GRK5: variants seen among roughly 807,000 people sequenced by gnomAD.
GRK5 encodes the protein g protein-coupled receptor kinase GRK5.
In GRK5, 40 loss-of-function variants were observed where a neutral mutation model predicts 78.4. That is an observed-to-expected ratio of 0.51 (90% CI 0.40 to 0.66). The LOEUF is 0.66. Ranked by LOEUF, GRK5 falls within the 30% of genes least tolerant of loss-of-function variation. GRK5 has a pLI of 0.00. For synonymous variants in GRK5, 289 were observed against 296.8 expected (o/e 0.97, Z 0.27); for missense variants, 598 against 759.9 (o/e 0.79, Z 2.50).
chr10:119,208,037 T>C (rs1848417935), intron 1 of GRK5, 68 bp downstream of exon 1: 2 of 1,492,776 alleles, frequency 1.3e-6, no homozygotes, highest in Non-Finnish European at 1.8e-6. Flanking sequence ...TCGGGTGGCG[T>C]GCGGGCTGGG....
At position 119,270,350 on chromosome 10, in the gene GRK5, T is replaced by C. The variant is rs1849565239; in HGVS notation, c.53-56166T>C. Among the ~76,000 whole-genome samples the C allele has an allele frequency of 2.6e-5, 4 of 152,288 alleles. No individual in the cohort carries two copies. The South Asian group carries it at 6.2e-4, about 24-fold the overall frequency. On this transcript the variant is annotated intron_variant, in intron 1 of 15. Transcript: ENST00000392870. ...AATAAAAGGATGCTTGGGTCTGTAC[T>C]GAACATGTACAAACATTTTCCTTGT...
At chr10:119,259,669 G>T (rs1005945775) in intron 1 of GRK5, among the ~76,000 whole-genome samples, 1 of 152,192 alleles carries the variant, frequency 6.6e-6, no homozygotes, top group African/African-American at 2.4e-5. Flanking sequence ...CTGTCCAATG[G>T]AACCTTCTGT....
chr10:119,409,664 A>G (rs1448746213), intron 4 of GRK5, among the ~76,000 whole-genome samples: 3 of 152,066 alleles, frequency 2.0e-5, no homozygotes, highest in Non-Finnish European at 4.4e-5. Context: ...GGCTGAGGTG[A>G]GGGGCAGGTT....
chr10:119,267,565 G>A lies in GRK5; in HGVS notation c.53-58951G>A, dbSNP rs980413685. On this transcript the variant is annotated intron_variant, in intron 1 of 15. Transcript: ENST00000392870. This position sits in a 1 kb window ranked among gnomAD's most constrained non-coding sequence, Gnocchi z 4.1. Reference sequence around the variant, plus strand: ...CTCCACAGGATGGCAAGGGGCTGGAGGCTCAGCGGACGGGCCCTGTTTTAG... The same window carrying A: ...CTCCACAGGATGGCAAGGGGCTGGAAGCTCAGCGGACGGGCCCTGTTTTAG... Among the ~76,000 whole-genome samples, 1 of 152,220 alleles carries A rather than the reference G, an allele frequency of 6.6e-6. No homozygotes were observed. The highest frequency in any genetic ancestry group is 1.5e-5 in the Non-Finnish European group (1 of 68,030).
intron 1 of GRK5, among the ~76,000 whole-genome samples, chr10:119,228,994 GA>G (rs1364707747): frequency 6.6e-6 from 1 of 152,114 alleles, no homozygotes; most frequent in East Asian, 1.9e-4. Flanking sequence ...TGCTTTGATG[GA>G]CTGTAAATAC....
At chr10:119,230,975 T>C (rs1365246848) in intron 1 of GRK5, among the ~76,000 whole-genome samples, 1 of 151,976 alleles carries the variant, frequency 6.6e-6, no homozygotes, top group African/African-American at 2.4e-5. Flanking sequence ...TTGTGGGGGC[T>C]TCCAGGGTTC....
At chr10:119,351,776 T>G (rs779743317) in intron 2 of GRK5, among the ~76,000 whole-genome samples, 1 of 152,220 alleles carries the variant, frequency 6.6e-6, no homozygotes, top group Non-Finnish European at 1.5e-5. Context: ...CATCCAGTCC[T>G]TGGGAACCCT....
In GRK5 at chr10:119,267,967, A is replaced by G. The variant is rs1367440364; in HGVS notation, c.53-58549A>G. ...GACAATTCCTGAGGACAAGAGGAAG[A>G]GGAGGACGGAGTCTCCCTTGTTTGT... On this transcript the variant is annotated intron_variant, in intron 1 of 15. Transcript: ENST00000392870. The surrounding 1 kb of genome is among the most constrained non-coding windows in gnomAD (Gnocchi z 4.1). 6.6e-6 allele frequency among the ~76,000 whole-genome samples: 1 copy of G among 152,182 alleles called. No individual in the cohort carries two copies. The highest frequency in any genetic ancestry group is 1.9e-4 in the East Asian group (1 of 5,192).
intron 2 of GRK5, chr10:119,334,523 C>T (rs1224027719): frequency 6.6e-6 from 1 of 151,996 alleles, no homozygotes; most frequent in Non-Finnish European, 1.5e-5. Context: ...TTAGAGAGCC[C>T]AAATCAAAGA....
At chr10:119,351,217 G>A (rs914733561) in intron 2 of GRK5, among the ~76,000 whole-genome samples, 3 of 152,152 alleles carry the variant, frequency 2.0e-5, no homozygotes, top group Admixed American at 1.3e-4. Context: ...AAAGACAGGA[G>A]GGGCAGTTAA....
Position 119,207,948 on chromosome 10 carries a change from G to T in GRK5, c.31G>T (p.Val11Phe). 1.2e-6 allele frequency: 2 copies of T among 1,604,994 alleles called. No homozygotes were observed. Among genetic ancestry groups the T allele is most frequent in the Non-Finnish European group, 1.7e-6 (2 of 1,176,542 alleles). ...GCTGGAAAACATCGTGGCCAACACG[G>T]TCTTGCTGAAAGCCAGGGAAGGTAA... is the stretch of plus-strand genomic sequence containing the variant. MELENIVANT[V>F]LLKAREGGGG... Residue 11 changes from valine to phenylalanine, a missense_variant, in exon 1 of 16, where the codon GTC becomes TTC. Coordinates refer to ENST00000392870, the MANE Select transcript of GRK5 (RefSeq NM_005308.3).
chr10:119,367,564 C>T (rs545608259), intron 2 of GRK5, among the ~76,000 whole-genome samples: 17 of 152,320 alleles, frequency 1.1e-4, no homozygotes, highest in African/African-American at 4.1e-4. Flanking sequence ...GGAGCTGTAT[C>T]TAAGACTCTA....
chr10:119,387,457 A>G (rs759503816), intron 3 of GRK5, among the ~76,000 whole-genome samples: 12 of 152,164 alleles, frequency 7.9e-5, no homozygotes, highest in Non-Finnish European at 1.2e-4. Flanking sequence ...TTGGTTATCA[A>G]GGGTCTTCCA....
chr10:119,235,298 C>A (rs1242219808), intron 1 of GRK5, among the ~76,000 whole-genome samples: 2 of 152,160 alleles, frequency 1.3e-5, no homozygotes, highest in Non-Finnish European at 2.9e-5. Flanking sequence ...ACAAGGTGGA[C>A]AGAGAATAAT....
At chr10:119,353,613 C>G (rs1851217727) in intron 2 of GRK5, among the ~76,000 whole-genome samples, 1 of 152,196 alleles carries the variant, frequency 6.6e-6, no homozygotes, top group African/African-American at 2.4e-5. Flanking sequence ...GTAGGTTCAG[C>G]TGCGGCCTCT....
chr10:119,267,593 A>T lies in GRK5; in HGVS notation c.53-58923A>T, dbSNP rs941795876. On this transcript the variant is annotated intron_variant, in intron 1 of 15. Transcript: ENST00000392870. The surrounding 1 kb of genome is among the most constrained non-coding windows in gnomAD (Gnocchi z 4.1). ...TCAGCGGACGGGCCCTGTTTTAGGG[A>T]TTGAGGACATGGCAGGTAGATAGGC... Among the ~76,000 whole-genome samples the T allele has an allele frequency of 4.6e-5, 7 of 152,210 alleles. No individual in the cohort carries two copies. The highest frequency in any genetic ancestry group is 1.2e-4 in the African/African-American group (5 of 41,522).
chr10:119,286,581 A>G (rs981780903), intron 1 of GRK5, among the ~76,000 whole-genome samples: 3 of 152,088 alleles, frequency 2.0e-5, no homozygotes, highest in African/African-American at 7.2e-5. Flanking sequence ...GCCTCTGTTG[A>G]CTCTGCTTTT....
chr10:119,447,099 G>C (rs1477003505), intron 12 of GRK5, among the ~76,000 whole-genome samples: 1 of 152,214 alleles, frequency 6.6e-6, no homozygotes, highest in Admixed American at 6.5e-5. Flanking sequence ...GCAGGTCAGG[G>C]GCCGGGGCCC....
At chr10:119,269,039 C>T (rs987012698) in intron 1 of GRK5, among the ~76,000 whole-genome samples, 3 of 152,252 alleles carry the variant, frequency 2.0e-5, no homozygotes, top group African/African-American at 4.8e-5. Flanking sequence ...CATCTGCTCT[C>T]TGCTCAGGGT....
Sources: allele counts gnomAD v4.1 joint callset (sites outside exome capture counted in the v4.1 genomes callset), GRCh38; gene constraint gnomAD v4.1.1; non-coding constraint Gnocchi (gnomAD v3.1); transcripts MANE v1.5; gene names NCBI Gene and HGNC (gene_info 2026-07-23, HGNC 2026-07-21).